The following PELI3 variants were observed in gnomAD, a reference collection of about 807,000 sequenced individuals.
PELI3 encodes the protein pellino E3 ubiquitin protein ligase family member 3, also known as E3 ubiquitin-protein ligase pellino homolog 3.
A neutral mutation model predicts 35.5 loss-of-function variants in PELI3; 19 were observed. The ratio of observed to expected loss-of-function variants is 0.54; its 90% CI spans 0.37 to 0.79. PELI3 has a LOEUF of 0.79. PELI3 is among the 30% of genes least tolerant of loss of function. PELI3 has a pLI of 0.00. For missense variants in PELI3, 490 were observed against 661.2 expected, an observed-to-expected ratio of 0.74 and a Z score of 2.84; for synonymous variants, 262 against 279.2, an observed-to-expected ratio of 0.94 and a Z score of 0.62.
intron 7 of PELI3, among the ~76,000 whole-genome samples, chr11:66,475,292 G>C (rs578017395): frequency 6.6e-6 from 1 of 152,350 alleles, no homozygotes; most frequent in East Asian, 1.9e-4. Context: ...TTCCTCATTA[G>C]AGGCCTTTCC....
intron 2 of PELI3, 112 bp downstream of exon 2, chr11:66,468,392 C>T: frequency 9.4e-7 from 1 of 1,066,164 alleles, no homozygotes. Context: ...GTTTGTCCCT[C>T]CTCACCTTCC....
intron 7 of PELI3, 189 bp downstream of exon 7, chr11:66,474,114 G>A (rs1265544389): frequency 1.3e-6 from 1 of 772,836 alleles, no homozygotes; most frequent in Non-Finnish European, 2.2e-6. Flanking sequence ...CAGGCAGACA[G>A]ACCAGGGTCC....
At position 66,467,526 on chromosome 11, in the gene PELI3, G is replaced by C. The variant is rs935637717; in HGVS notation, c.-2+499G>C. The C allele has an allele frequency of 1.3e-5, 2 of 152,520 alleles. No homozygotes were observed. The highest frequency in any genetic ancestry group is 2.9e-5 in the Non-Finnish European group (2 of 68,220). The allele number at this position is 152,520 out of a possible 1,614,324, so 9.4% of individuals were successfully genotyped here. A position where few individuals can be genotyped will look rare whatever the true frequency, so the allele number is the denominator to read the frequency against. ...GAGGAGTCTATTGGCCTACCCGCAG[G>C]GGGAGGCCGAGATGGGGAGACTGAG... On this transcript the variant is annotated intron_variant, in intron 1 of 7. Coordinates refer to ENST00000320740, the MANE Select transcript of PELI3 (RefSeq NM_145065.3). This position sits in a 1 kb window ranked among gnomAD's most constrained non-coding sequence, Gnocchi z 4.2.
At chr11:66,475,457 C>A in intron 7 of PELI3, 141 bp from the exon 8 acceptor site, 1 of 795,732 alleles carries the variant, frequency 1.3e-6, no homozygotes, top group Non-Finnish European at 2.0e-6. Context: ...TGCCTGCCCA[C>A]TTGGCCTCCT....
At chr11:66,468,968 T>G in intron 3 of PELI3, 64 bp downstream of exon 3, 1 of 674,832 alleles carries the variant, frequency 1.5e-6, no homozygotes. Context: ...GCGCTTTCAC[T>G]AAGCCACAGC....
Position 66,473,713 on chromosome 11 carries a change from A to T in PELI3, c.652-24A>T. On this transcript the variant is annotated intron_variant, in intron 6 of 7. Transcript: ENST00000320740. The surrounding 1 kb of genome is among the most constrained non-coding windows in gnomAD (Gnocchi z 5.8). ...TGCTGGGGGGCCCCTGGGGGATGTG[A>T]TCTGATCCCTCATGTGGTCCCAGGA... The T allele has an allele frequency of 6.2e-7, 1 of 1,612,136 alleles. No homozygotes were observed. Among genetic ancestry groups the T allele is most frequent in the Non-Finnish European group, 8.5e-7 (1 of 1,179,474 alleles).
Position 66,473,526 on chromosome 11 carries a change from C to A in PELI3, c.651+91C>A. 1 of 1,418,768 alleles carries A rather than the reference C, an allele frequency of 7.0e-7. No homozygotes were observed. The highest frequency in any genetic ancestry group is 1.4e-5 in the South Asian group (1 of 73,856). 87.9% of individuals were successfully genotyped at this position (1,418,768 alleles called of 1,614,324 possible). A position where few individuals can be genotyped will look rare whatever the true frequency, so the allele number is the denominator to read the frequency against. On this transcript the variant is annotated intron_variant, in intron 6 of 7. Coordinates refer to ENST00000320740, the MANE Select transcript of PELI3 (RefSeq NM_145065.3). This position sits in a 1 kb window ranked among gnomAD's most constrained non-coding sequence, Gnocchi z 5.8. ...AGCATCTTGAGGTGATGAACCAGCCCACAGTAATCCAAATGGTGGTCCTGG... is the reference window on the plus strand; with the variant it reads ...AGCATCTTGAGGTGATGAACCAGCCAACAGTAATCCAAATGGTGGTCCTGG...
chr11:66,473,966 GC>G lies in PELI3; in HGVS notation c.840+44del. On this transcript the variant is annotated intron_variant, in intron 7 of 7. Transcript: ENST00000320740. This position sits in a 1 kb window ranked among gnomAD's most constrained non-coding sequence, Gnocchi z 5.8. ...CATTCCCCACCCCTATCCTTGCCAG[GC>G]CCTCACAAGCTGCCCATCCCCCTGC... is the stretch of plus-strand genomic sequence containing the variant. 6.2e-7 allele frequency: 1 copy of G among 1,605,580 alleles called. No homozygotes were observed. The highest frequency in any genetic ancestry group is 8.5e-7 in the Non-Finnish European group (1 of 1,178,544).
In PELI3 at chr11:66,468,923, A is replaced by AT. The variant is rs1438415748; in HGVS notation, c.224+22dup. The AT allele has an allele frequency of 4.0e-6, 3 of 743,818 alleles. No homozygotes were observed. Among genetic ancestry groups the AT allele is most frequent in the Non-Finnish European group, 5.0e-6 (2 of 398,114 alleles). The allele number at this position is 743,818 out of a possible 1,614,324, so 46.1% of individuals were successfully genotyped here. A position where few individuals can be genotyped will look rare whatever the true frequency, so the allele number is the denominator to read the frequency against. Reference sequence around the variant, plus strand: ...ACAGCTGGTAAGTGGCAGGGCTGGGATTTGGACCCAGGTCTTTCTTACTCT... The same window carrying AT: ...ACAGCTGGTAAGTGGCAGGGCTGGGATTTTGGACCCAGGTCTTTCTTACTCT... On this transcript the variant is annotated intron_variant, in intron 3 of 7. Transcript: ENST00000320740.
At position 66,468,348 on chromosome 11, in the gene PELI3, C is replaced by T. The variant is rs1008862038; in HGVS notation, c.152+68C>T. On this transcript the variant is annotated intron_variant, in intron 2 of 7. Transcript: ENST00000320740. ...ACCCAACGCAGCCAGAACAAGGGCCCGACCCCTCCTCCCCCCACATAGGGC... is the reference window on the plus strand; with the variant it reads ...ACCCAACGCAGCCAGAACAAGGGCCTGACCCCTCCTCCCCCCACATAGGGC... The T allele has an allele frequency of 8.0e-6, 11 of 1,374,074 alleles. No homozygotes were observed. The Admixed American group carries it at 2.0e-4, about 25-fold the overall frequency. The allele number at this position is 1,374,074 out of a possible 1,614,324, so 85.1% of individuals were successfully genotyped here. A position where few individuals can be genotyped will look rare whatever the true frequency, so the allele number is the denominator to read the frequency against.
At position 66,467,333 on chromosome 11, in the gene PELI3, C is replaced by G. The variant is rs1854569470; in HGVS notation, c.-2+306C>G. The G allele has an allele frequency of 6.6e-6, 1 of 152,068 alleles. No individual in the cohort carries two copies. The highest frequency in any genetic ancestry group is 1.5e-5 in the Non-Finnish European group (1 of 68,008). 9.4% of individuals were successfully genotyped at this position (152,068 alleles called of 1,614,324 possible). ...CGGGGCGCAGGGCGCGGGCCTGCCCCGGCGCGGTCCCTCTGGCGCGGGGAT... is the reference window on the plus strand; with the variant it reads ...CGGGGCGCAGGGCGCGGGCCTGCCCGGGCGCGGTCCCTCTGGCGCGGGGAT... On this transcript the variant is annotated intron_variant, in intron 1 of 7. Coordinates refer to ENST00000320740, the MANE Select transcript of PELI3 (RefSeq NM_145065.3). This position sits in a 1 kb window ranked among gnomAD's most constrained non-coding sequence, Gnocchi z 4.2.
rs1854588784 is a variant in PELI3 at position 66,467,761 on chromosome 11, T to C, written c.-1-367T>C. Among the ~76,000 whole-genome samples, 1 of 152,162 alleles carries C rather than the reference T, an allele frequency of 6.6e-6. No individual in the cohort carries two copies. The highest frequency in any genetic ancestry group is 6.5e-5 in the Admixed American group (1 of 15,280). On this transcript the variant is annotated intron_variant, in intron 1 of 7. Transcript: ENST00000320740. The surrounding 1 kb of genome is among the most constrained non-coding windows in gnomAD (Gnocchi z 4.2). ...GAGGCTAAATCAGAGGTCCAGAGGC[T>C]AAGAGCTATAAGCAGGAACTGAGTC...
At position 66,473,183 on chromosome 11, in the gene PELI3, G is replaced by A; in HGVS notation, c.457-58G>A. ...CAGCTGCTGGTACTCTGGGAGGGAA[G>A]GCCCATGAGAGTCCCCTATGTACAT... On this transcript the variant is annotated intron_variant, in intron 5 of 7. Coordinates refer to ENST00000320740, the MANE Select transcript of PELI3 (RefSeq NM_145065.3). This position sits in a 1 kb window ranked among gnomAD's most constrained non-coding sequence, Gnocchi z 5.8. The A allele has an allele frequency of 1.4e-6, 2 of 1,467,216 alleles. No individual in the cohort carries two copies. Among genetic ancestry groups the A allele is most frequent in the East Asian group, 2.3e-5 (1 of 43,390 alleles). 90.9% of individuals were successfully genotyped at this position (1,467,216 alleles called of 1,614,324 possible).
intron 3 of PELI3, among the ~76,000 whole-genome samples, chr11:66,469,789 C>CTT (rs1321074682): frequency 9.0e-6 from 1 of 110,888 alleles, no homozygotes; most frequent in African/African-American, 3.6e-5. Context: ...ACCAGGGAAT[C>CTT]TGTTTTTTTT....
chr11:66,472,349 G>T lies in PELI3; in HGVS notation c.355-20G>T. On this transcript the variant is annotated intron_variant, in intron 4 of 7. Coordinates refer to ENST00000320740, the MANE Select transcript of PELI3 (RefSeq NM_145065.3). ...ATCATGGCTGCACACCCTGGCAAGT[G>T]ACTTTTTTCTCCCCACCAGGCACTG... 3 of 1,603,480 alleles carry T rather than the reference G, an allele frequency of 1.9e-6. No homozygotes were observed. In the East Asian group the frequency reaches 6.7e-5, roughly 36 times the overall value.
intron 7 of PELI3, 76 bp downstream of exon 7, chr11:66,474,001 G>A: frequency 6.4e-7 from 1 of 1,562,286 alleles, no homozygotes; most frequent in Non-Finnish European, 8.7e-7. Flanking sequence ...GCCCAAGCCA[G>A]GAGATGATCT....
rs761674752 is a variant in PELI3 at position 66,476,308 on chromosome 11, C to T, written c.*141C>T. ...GACATGTTGGATGGGCTGTGCCCTT[C>T]CCCCCAACTGTGGCCCCCCAAGGAG... On this transcript the variant is annotated 3_prime_UTR_variant, in exon 8 of 8. Transcript: ENST00000320740. 4.1e-6 allele frequency: 4 copies of T among 971,762 alleles called. No individual in the cohort carries two copies. The highest frequency in any genetic ancestry group is 5.9e-6 in the Non-Finnish European group (4 of 676,212). The allele number at this position is 971,762 out of a possible 1,614,324, so 60.2% of individuals were successfully genotyped here. A position where few individuals can be genotyped will look rare whatever the true frequency, so the allele number is the denominator to read the frequency against.
In PELI3 at chr11:66,473,935, C is replaced by T. The variant is rs1313713531; in HGVS notation, c.840+10C>T. 1 of 1,612,122 alleles carries T rather than the reference C, an allele frequency of 6.2e-7. No individual in the cohort carries two copies. The highest frequency in any genetic ancestry group is 8.5e-7 in the Non-Finnish European group (1 of 1,179,948). On this transcript the variant is annotated intron_variant, in intron 7 of 7. Transcript: ENST00000320740. This position sits in a 1 kb window ranked among gnomAD's most constrained non-coding sequence, Gnocchi z 5.8. ...GCAGCGGGGCAAGCTGGTAGGTGGC[C>T]CGCTCCATTCCCCACCCCTATCCTT...
chr11:66,473,625 C>T lies in PELI3; in HGVS notation c.652-112C>T. On this transcript the variant is annotated intron_variant, in intron 6 of 7. Coordinates refer to ENST00000320740, the MANE Select transcript of PELI3 (RefSeq NM_145065.3). This position sits in a 1 kb window ranked among gnomAD's most constrained non-coding sequence, Gnocchi z 5.8. ...CGCTCAAGTCATGCAGCTTCAATGC[C>T]AGTCCTCTCTGGGCCGCCTCTGAAC... The T allele has an allele frequency of 7.0e-7, 1 of 1,430,718 alleles. No homozygotes were observed. Among genetic ancestry groups the T allele is most frequent in the Non-Finnish European group, 9.5e-7 (1 of 1,055,510 alleles). 88.6% of individuals were successfully genotyped at this position (1,430,718 alleles called of 1,614,324 possible).
Sources: gnomAD v4.1 joint callset for allele counts (sites outside exome capture counted in the v4.1 genomes callset) on GRCh38, gnomAD v4.1.1 for gene constraint, Gnocchi (gnomAD v3.1) non-coding constraint, MANE v1.5 for transcripts, NCBI Gene and HGNC (gene_info 2026-07-23, HGNC 2026-07-21) for gene names.